ADCY9: variants seen among roughly 807,000 people sequenced by gnomAD.
ADCY9 encodes adenylate cyclase type 9.
A neutral mutation model predicts 101.5 loss-of-function variants in ADCY9; 50 were observed. The ratio of observed to expected loss-of-function variants is 0.49; its 90% CI spans 0.39 to 0.62. ADCY9 has a LOEUF of 0.62. ADCY9 is among the 20% of genes least tolerant of loss of function. The probability of loss-of-function intolerance (pLI) is 0.00; values close to 1 mark genes in which losing one functional copy is unlikely to be tolerated. For synonymous variants in ADCY9, 905 were observed against 769.3 expected (o/e 1.18, Z -2.92); for missense variants, 1,662 against 1,800.4 (o/e 0.92, Z 1.39).
At position 3,992,501 on chromosome 16, in the gene ADCY9, C is replaced by A; in HGVS notation, c.1990-138G>T. The stretch of plus-strand genomic sequence containing the variant: ...GGGACTTTCTGACCTGCGAGGAACC[C>A]CCACCCCCCTGCGCCTACAGACCTG... On this transcript the variant is annotated intron_variant, in intron 4 of 10. Coordinates refer to ENST00000294016, the MANE Select transcript of ADCY9 (RefSeq NM_001116.4). This position sits in a 1 kb window ranked among gnomAD's most constrained non-coding sequence, Gnocchi z 4.2. 3 of 749,800 alleles carry A rather than the reference C, an allele frequency of 4.0e-6. No individual in the cohort carries two copies. The highest frequency in any genetic ancestry group is 2.7e-5 in the Admixed American group (1 of 37,514). The allele number at this position is 749,800 out of a possible 1,614,324, so 46.4% of individuals were successfully genotyped here.
chr16:4,067,942 ATTCT>A (rs749214397), intron 2 of ADCY9, among the ~76,000 whole-genome samples: 3 of 152,144 alleles, frequency 2.0e-5, no homozygotes, highest in Non-Finnish European at 2.9e-5. Context: ...AATTTAATTA[ATTCT>A]TTAATTAAAT....
At chr16:4,037,759 C>A (rs1026373508) in intron 2 of ADCY9, among the ~76,000 whole-genome samples, 5 of 152,166 alleles carry the variant, frequency 3.3e-5, no homozygotes, top group Non-Finnish European at 7.3e-5. Context: ...ACTAACTGTG[C>A]CACGTTTACA....
intron 2 of ADCY9, among the ~76,000 whole-genome samples, chr16:4,025,712 A>G: frequency 6.6e-6 from 1 of 152,206 alleles, no homozygotes; most frequent in Middle Eastern, 3.2e-3. Flanking sequence ...GAGAAGGCAG[A>G]ACCCGCAGCT....
chr16:3,999,350 G>A (rs955655896), intron 3 of ADCY9, among the ~76,000 whole-genome samples: 9 of 152,186 alleles, frequency 5.9e-5, no homozygotes, highest in East Asian at 1.9e-4. Flanking sequence ...CTGCAGTCTC[G>A]ACTGTATGAT....
chr16:4,051,379 C>G lies in ADCY9; in HGVS notation c.1694-43821G>C, dbSNP rs894327979. ...TCTCTACTAAAAATACAAAAATTAG[C>G]CGGGCGTGGTGGCGGGCGCCTGTAG... On this transcript the variant is annotated intron_variant, in intron 2 of 10. Coordinates refer to ENST00000294016, the MANE Select transcript of ADCY9 (RefSeq NM_001116.4). Among the ~76,000 whole-genome samples the G allele has an allele frequency of 2.6e-5, 4 of 152,088 alleles. 1 individual carries two copies. Among genetic ancestry groups the G allele is most frequent in the Admixed American group, 2.6e-4 (4 of 15,276 alleles).
chr16:3,961,284 C>CA (rs542020468), downstream of ADCY9, among the ~76,000 whole-genome samples: 547 of 151,688 alleles, frequency 3.6e-3, no homozygotes, highest in African/African-American at 0.013. Flanking sequence ...CCCGTCTCTG[C>CA]AAAAAAATAC....
At chr16:3,988,192 G>A (rs547256054) in intron 6 of ADCY9, among the ~76,000 whole-genome samples, 1 of 152,276 alleles carries the variant, frequency 6.6e-6, no homozygotes, top group South Asian at 2.1e-4. Flanking sequence ...AATCCAGTCT[G>A]CAGTCGGGGA....
At chr16:4,099,425 T>C (rs2057028628) in intron 2 of ADCY9, among the ~76,000 whole-genome samples, 1 of 152,216 alleles carries the variant, frequency 6.6e-6, no homozygotes, top group South Asian at 2.1e-4. Flanking sequence ...AACATGCATA[T>C]ACTATTCATT....
At chr16:4,062,982 T>C (rs759246970) in intron 2 of ADCY9, among the ~76,000 whole-genome samples, 17 of 152,228 alleles carry the variant, frequency 1.1e-4, no homozygotes, top group Admixed American at 2.6e-4. Context: ...TTGAACAGCA[T>C]TGTCAACCAA....
At chr16:3,981,015 G>A (rs1292397753) in intron 7 of ADCY9, among the ~76,000 whole-genome samples, 2 of 152,202 alleles carry the variant, frequency 1.3e-5, no homozygotes, top group African/African-American at 2.4e-5. Context: ...AAAGGGATGG[G>A]GTGCCCGTAT....
At chr16:4,066,614 G>T (rs1321524249) in intron 2 of ADCY9, among the ~76,000 whole-genome samples, 4 of 151,832 alleles carry the variant, frequency 2.6e-5, no homozygotes, top group African/African-American at 9.7e-5. Context: ...CAAATGCCTG[G>T]GCTCAGGTGA....
At chr16:3,968,085 C>G (rs2056015350) in intron 10 of ADCY9, among the ~76,000 whole-genome samples, 1 of 152,126 alleles carries the variant, frequency 6.6e-6, no homozygotes, top group Admixed American at 6.6e-5. Context: ...GGATATTTCC[C>G]TATGTAACTA....
chr16:3,977,398 A>G lies in ADCY9; in HGVS notation c.2828+84T>C, dbSNP rs73506099. 0.014 allele frequency: 21,191 copies of G among 1,480,474 alleles called. 2,350 individuals are homozygous for G. In the African/African-American group the frequency reaches 0.25, roughly 17 times the overall value. The allele number at this position is 1,480,474 out of a possible 1,614,324, so 91.7% of individuals were successfully genotyped here. ...TATCTCTATCGGGGCGTGAGAAGCA[A>G]TGTGCAAATGCAGCCAGGCCCTACG... On this transcript the variant is annotated intron_variant, in intron 9 of 10. Transcript: ENST00000294016.
intron 2 of ADCY9, among the ~76,000 whole-genome samples, chr16:4,096,122 C>A (rs940708782): frequency 1.3e-5 from 2 of 152,022 alleles, no homozygotes; most frequent in African/African-American, 2.4e-5. Context: ...AGTAAAGAAT[C>A]TTTTATGAAG....
chr16:4,061,879 ATAAC>A (rs954850217), intron 2 of ADCY9, among the ~76,000 whole-genome samples: 42 of 152,384 alleles, frequency 2.8e-4, no homozygotes, highest in African/African-American at 1.0e-3. Flanking sequence ...ACATATAACA[ATAAC>A]TACAGACTTT....
chr16:4,007,155 G>T (rs771749194), intron 3 of ADCY9, among the ~76,000 whole-genome samples: 10 of 152,136 alleles, frequency 6.6e-5, no homozygotes. Flanking sequence ...GCAATGGAAA[G>T]GCAATGGAGG....
intron 6 of ADCY9, chr16:3,984,158 T>G (rs1163754457): frequency 2.0e-5 from 3 of 152,252 alleles, no homozygotes; most frequent in African/African-American, 7.2e-5. Flanking sequence ...CATTATATAT[T>G]TAGCTGCAAG....
intron 2 of ADCY9, among the ~76,000 whole-genome samples, chr16:4,071,980 G>C (rs1295491378): frequency 1.3e-5 from 2 of 152,094 alleles, no homozygotes; most frequent in African/African-American, 4.8e-5. Context: ...TGCAATCTCT[G>C]TGTGCACAGA....
chr16:4,013,001 C>T lies in ADCY9; in HGVS notation c.1694-5443G>A, dbSNP rs528780398. Among the ~76,000 whole-genome samples the T allele has an allele frequency of 9.9e-4, 151 of 152,072 alleles. 3 individuals carry two copies. In the South Asian group the frequency reaches 0.031, roughly 31 times the overall value. ...GGCACGGGGATCACAGCTGTGACCC[C>T]GGCACTCTCGGAGGCCGCGGCAGGA... On this transcript the variant is annotated intron_variant, in intron 2 of 10. Coordinates refer to ENST00000294016, the MANE Select transcript of ADCY9 (RefSeq NM_001116.4).
Sources: allele counts gnomAD v4.1 joint callset (sites outside exome capture counted in the v4.1 genomes callset), GRCh38; gene constraint gnomAD v4.1.1; non-coding constraint Gnocchi (gnomAD v3.1); transcripts MANE v1.5; gene names NCBI Gene and HGNC (gene_info 2026-07-23, HGNC 2026-07-21).